Variants in CCDC81 observed in about 807,000 individuals in gnomAD.
CCDC81 encodes the protein coiled-coil domain containing 81, also known as coiled-coil domain-containing protein 81.
A neutral mutation model predicts 83.7 loss-of-function variants in CCDC81; 79 were observed. That is an observed-to-expected ratio of 0.94 (90% CI 0.79 to 1.14). The LOEUF is 1.14. Ranked by LOEUF, CCDC81 falls within the 50% of genes most tolerant of loss-of-function variation. The probability of loss-of-function intolerance (pLI) is 0.00; values close to 1 mark genes in which losing one functional copy is unlikely to be tolerated. For missense variants in CCDC81, 791 were observed against 778.1 expected, an observed-to-expected ratio of 1.02 and a Z score of -0.20; for synonymous variants, 252 against 278.1, an observed-to-expected ratio of 0.91 and a Z score of 0.93.
intron 13 of CCDC81, among the ~76,000 whole-genome samples, chr11:86,418,535 T>G (rs147103049): frequency 6.6e-6 from 1 of 152,318 alleles, no homozygotes; most frequent in East Asian, 1.9e-4. Flanking sequence ...TGTTATTCAC[T>G]TTTAAAAAGG....
chr11:86,379,102 CTT>C (rs34798518), intron 1 of CCDC81, among the ~76,000 whole-genome samples: 1 of 146,560 alleles, frequency 6.8e-6, no homozygotes, highest in Non-Finnish European at 1.5e-5. Flanking sequence ...ATCAGTTATA[CTT>C]TTTTTTTTTT....
chr11:86,398,254 GATC>G (rs1251562709), intron 6 of CCDC81, among the ~76,000 whole-genome samples: 2 of 152,138 alleles, frequency 1.3e-5, no homozygotes, highest in Non-Finnish European at 1.5e-5. Flanking sequence ...CAGGCTCTTA[GATC>G]ATCATCTCTT....
At chr11:86,391,950 G>C (rs528958116) in intron 3 of CCDC81, among the ~76,000 whole-genome samples, 19 of 152,308 alleles carry the variant, frequency 1.2e-4, no homozygotes, top group African/African-American at 4.6e-4. Flanking sequence ...GTAAGAGGGA[G>C]GATGGAGGGA....
In CCDC81 at chr11:86,415,095, A is replaced by G; in HGVS notation, c.1473A>G (p.Ile491Met). ...QCYKRALDAQ[I>M]KNKPSRLPPF... ...CATTATGTGTATCTCTGTTTAAGAT[A>G]AAGAACAAACCCTCTCGGCTGCCCC... The change falls in exon 13 of 15, where the codon ATA becomes ATG. Residue 491 changes from isoleucine to methionine, a missense_variant and splice_region_variant. Transcript: ENST00000445632. The G allele has an allele frequency of 1.9e-6, 3 of 1,614,108 alleles. No individual in the cohort carries two copies. The highest frequency in any genetic ancestry group is 2.5e-6 in the Non-Finnish European group (3 of 1,179,970).
intron 13 of CCDC81, among the ~76,000 whole-genome samples, chr11:86,417,264 C>T (rs536023702): frequency 6.6e-6 from 1 of 150,860 alleles, no homozygotes; most frequent in African/African-American, 2.4e-5. Context: ...TTAATAATCT[C>T]CCCTACTAAG....
In CCDC81 at chr11:86,412,414, C is replaced by T. The variant is rs767587870; in HGVS notation, c.1246C>T (p.Leu416Phe). Residue 416 changes from leucine (L) to phenylalanine (F), a missense_variant, in exon 11 of 15, where the codon CTC becomes TTC. Leu to Phe is a conservative substitution (Grantham distance 22). Transcript: ENST00000445632. ...ATCCTTCCTATTTGACAAACGGCCA[C>T]TCAGTCCTGCGCTTAATGCTCTTAA... ...YKSFLFDKRP[L>F]SPALNALKQE... is the part of the protein sequence containing the mutation. 12 of 1,605,038 alleles carry T rather than the reference C, an allele frequency of 7.5e-6. No homozygotes were observed. In the East Asian group the frequency reaches 8.9e-5, roughly 12 times the overall value.
At chr11:86,389,868 G>C (rs1948299384) in intron 3 of CCDC81, among the ~76,000 whole-genome samples, 1 of 152,206 alleles carries the variant, frequency 6.6e-6, no homozygotes, top group African/African-American at 2.4e-5. Context: ...CACTTTCGGA[G>C]GCTGAGGCAG....
intron 1 of CCDC81, among the ~76,000 whole-genome samples, chr11:86,377,548 T>A (rs1948114534): frequency 6.6e-6 from 1 of 152,218 alleles, no homozygotes; most frequent in Non-Finnish European, 1.5e-5. Context: ...TTCCTGATGA[T>A]AAATAATGGG....
intron 5 of CCDC81, among the ~76,000 whole-genome samples, chr11:86,396,253 A>C (rs150032845): frequency 6.6e-6 from 1 of 152,172 alleles, no homozygotes; most frequent in Non-Finnish European, 1.5e-5. Context: ...ATAATTCTCC[A>C]TTTTATCATG....
intron 6 of CCDC81, 23 bp downstream of exon 6, chr11:86,397,765 C>A: frequency 6.2e-7 from 1 of 1,605,720 alleles, no homozygotes; most frequent in South Asian, 1.1e-5. Flanking sequence ...TTTCTGGGTC[C>A]AATCTGTCAC....
intron 3 of CCDC81, 45 bp from the exon 4 acceptor site, chr11:86,392,496 A>G (rs1382765158): frequency 1.4e-5 from 21 of 1,539,474 alleles, no homozygotes; most frequent in Non-Finnish European, 1.8e-5. Flanking sequence ...CCTTATGGTA[A>G]TCACCACTTT....
At chr11:86,380,042 CTTTT>C (rs34548401) in intron 1 of CCDC81, among the ~76,000 whole-genome samples, 1 of 144,644 alleles carries the variant, frequency 6.9e-6, no homozygotes. Flanking sequence ...ATGGTCTTCC[CTTTT>C]TTTTTTTTTT....
chr11:86,403,671 G>A (rs1948524625), intron 7 of CCDC81, among the ~76,000 whole-genome samples: 1 of 152,180 alleles, frequency 6.6e-6, no homozygotes, highest in African/African-American at 2.4e-5. Flanking sequence ...AAGGCTGAGA[G>A]TGAGGTAATA....
chr11:86,378,517 G>A (rs1441766906), intron 1 of CCDC81, among the ~76,000 whole-genome samples: 1 of 152,116 alleles, frequency 6.6e-6, no homozygotes, highest in African/African-American at 2.4e-5. Context: ...GTTCAACTAT[G>A]CCTTTACTAA....
chr11:86,379,197 T>C lies in CCDC81; in HGVS notation c.79+3955T>C, dbSNP rs915351845. Among the ~76,000 whole-genome samples the C allele has an allele frequency of 5.9e-5, 9 of 151,758 alleles. No homozygotes were observed. In the South Asian group the frequency reaches 1.0e-3, roughly 18 times the overall value. ...CTGCAAGCTCCGCCTCCTGGGTTCA[T>C]GCCATTCTCCTGCCTCAGCCTCCCC... On this transcript the variant is annotated intron_variant, in intron 1 of 14. Coordinates refer to ENST00000445632, the MANE Select transcript of CCDC81 (RefSeq NM_001156474.2).
intron 1 of CCDC81, among the ~76,000 whole-genome samples, chr11:86,375,681 AT>A (rs2138479993): frequency 6.6e-6 from 1 of 152,152 alleles, no homozygotes; most frequent in South Asian, 2.1e-4. Context: ...AAATGAGATG[AT>A]CATAAAAAGC....
rs370933070 is a variant in CCDC81, at chr11:86,375,300, G to T, written c.79+58G>T. ...GGGATTGAATCTTCATCTGCTTGCA[G>T]GGGAGGCGGGGGGACCCACTTCCCA... On this transcript the variant is annotated intron_variant, in intron 1 of 14. Coordinates refer to ENST00000445632, the MANE Select transcript of CCDC81 (RefSeq NM_001156474.2). 1.9e-5 allele frequency: 27 copies of T among 1,444,402 alleles called. No individual in the cohort carries two copies. In the African/African-American group the frequency reaches 3.5e-4, roughly 19 times the overall value. The allele number at this position is 1,444,402 out of a possible 1,614,324, so 89.5% of individuals were successfully genotyped here.
At position 86,395,381 on chromosome 11, in the gene CCDC81, G is replaced by A. The variant is rs763510233; in HGVS notation, c.603G>A (p.Arg201=). 2.8e-5 allele frequency: 45 copies of A among 1,613,984 alleles called. No individual in the cohort carries two copies. Among genetic ancestry groups the A allele is most frequent in the Admixed American group, 5.0e-5 (3 of 59,996 alleles). The stretch of plus-strand genomic sequence containing the variant: ...TGTTGTCTAGCAGAGAGGCCTTGAG[G>A]AAGTGGCCCAGCAGTGTGCTTGCGT... ...DSVLSSREAL[R]KWPSSVLAFP... is the part of the protein sequence containing the mutation. The change falls in exon 5 of 15, where the codon AGG becomes AGA. Residue 201 remains arginine, a synonymous_variant. Coordinates refer to ENST00000445632, the MANE Select transcript of CCDC81 (RefSeq NM_001156474.2).
At chr11:86,414,933 G>GTA in intron 12 of CCDC81, 66 bp downstream of exon 12, 1 of 1,445,628 alleles carries the variant, frequency 6.9e-7, no homozygotes, top group South Asian at 1.3e-5. Context: ...TAAAATATGT[G>GTA]TAAGTTGTTA....
Sources: allele counts gnomAD v4.1 joint callset (sites outside exome capture counted in the v4.1 genomes callset), GRCh38; gene constraint gnomAD v4.1.1; transcripts MANE v1.5; gene names NCBI Gene and HGNC (gene_info 2026-07-23, HGNC 2026-07-21).